The following CHN2 variants were observed in gnomAD, a reference collection of about 807,000 sequenced individuals.
CHN2 encodes the protein chimerin 2.
CHN2 carries 35 observed loss-of-function variants against 56.3 expected under a neutral mutation model. The observed-to-expected ratio is 0.62, with a 90% CI of 0.47 to 0.82. CHN2 has a LOEUF of 0.82. Ranked by LOEUF, CHN2 falls within the 40% of genes least tolerant of loss-of-function variation. CHN2 has a pLI of 0.00. For missense variants in CHN2, 491 were observed against 580.5 expected (o/e 0.85, Z 1.58); for synonymous variants, 210 against 212.8 (o/e 0.99, Z 0.12).
At chr7:29,210,676 A>G (rs1784846408) in intron 1 of CHN2, among the ~76,000 whole-genome samples, 1 of 151,992 alleles carries the variant, frequency 6.6e-6, no homozygotes, top group African/African-American at 2.4e-5. Flanking sequence ...GATAAGTTCT[A>G]TGGAGAAAAA....
intron 1 of CHN2, among the ~76,000 whole-genome samples, chr7:29,245,861 T>G (rs39091): frequency 6.6e-6 from 1 of 152,028 alleles, no homozygotes; most frequent in Admixed American, 6.5e-5. Flanking sequence ...GCTTGTGGAA[T>G]TGCTTCCCAT....
intron 1 of CHN2, among the ~76,000 whole-genome samples, chr7:29,251,610 G>A (rs80325413): frequency 0.02 from 3,066 of 152,224 alleles, 120 homozygotes; most frequent in African/African-American, 0.07. Context: ...AGGTAACTTC[G>A]TGTAACTAAC....
chr7:29,400,345 C>T, intron 5 of CHN2, 198 bp from the exon 6 acceptor site: 2 of 604,468 alleles, frequency 3.3e-6, no homozygotes, highest in Non-Finnish European at 6.0e-6. Context: ...CATCAGTTAC[C>T]TTTGCGGTAA....
chr7:29,509,000 G>A (rs995820451), intron 11 of CHN2, among the ~76,000 whole-genome samples: 2 of 152,086 alleles, frequency 1.3e-5, no homozygotes, highest in Non-Finnish European at 2.9e-5. Flanking sequence ...GCAAAGCATA[G>A]TCTGCACATA....
At chr7:29,155,705 T>C (rs1236492795) in intron 2 of CHN2, among the ~76,000 whole-genome samples, 1 of 152,188 alleles carries the variant, frequency 6.6e-6, no homozygotes, top group Non-Finnish European at 1.5e-5. Context: ...AATCCTGTCC[T>C]TTAGCAAGGT....
At chr7:29,380,521 C>T (rs1291297058) in intron 3 of CHN2, among the ~76,000 whole-genome samples, 1 of 152,108 alleles carries the variant, frequency 6.6e-6, no homozygotes, top group African/African-American at 2.4e-5. Flanking sequence ...TAATTTTATC[C>T]ATCACTTTGA....
At chr7:29,224,123 T>G (rs556479091) in intron 1 of CHN2, among the ~76,000 whole-genome samples, 2 of 152,290 alleles carry the variant, frequency 1.3e-5, no homozygotes, top group African/African-American at 4.8e-5. Context: ...CAGCTGATGT[T>G]CTAAAATTGG....
chr7:29,509,456 A>G, intron 12 of CHN2, 50 bp downstream of exon 12: 1 of 1,425,358 alleles, frequency 7.0e-7, no homozygotes. Flanking sequence ...AGAGCGGTTA[A>G]TGCATGAGGA....
chr7:29,376,182 A>C (rs772281467), intron 3 of CHN2, among the ~76,000 whole-genome samples: 1 of 152,190 alleles, frequency 6.6e-6, no homozygotes, highest in Non-Finnish European at 1.5e-5. Flanking sequence ...GAATGATATT[A>C]CCTAATTATT....
intron 1 of CHN2, among the ~76,000 whole-genome samples, chr7:29,330,887 A>G (rs984353847): frequency 1.3e-5 from 2 of 152,220 alleles, no homozygotes; most frequent in African/African-American, 2.4e-5. Context: ...TACAGATGTG[A>G]AATTAGGTAG....
intron 2 of CHN2, among the ~76,000 whole-genome samples, chr7:29,159,804 A>G (rs1467421785): frequency 6.6e-6 from 1 of 152,224 alleles, no homozygotes; most frequent in African/African-American, 2.4e-5. Flanking sequence ...TTCTTATGCT[A>G]GAAAATAAGC....
chr7:29,285,088 C>T (rs967815465), intron 1 of CHN2, among the ~76,000 whole-genome samples: 29 of 152,190 alleles, frequency 1.9e-4, no homozygotes, highest in African/African-American at 6.5e-4. Flanking sequence ...GTTCTTTGCA[C>T]TCCTCTCCTT....
chr7:29,270,828 G>A (rs183741499), intron 1 of CHN2, among the ~76,000 whole-genome samples: 4 of 150,844 alleles, frequency 2.7e-5, no homozygotes, highest in East Asian at 2.0e-4. Flanking sequence ...AGGGGAAGGC[G>A]GGAGAAAGGA....
intron 1 of CHN2, among the ~76,000 whole-genome samples, chr7:29,221,424 T>TA (rs1328263669): frequency 6.6e-6 from 1 of 152,210 alleles, no homozygotes; most frequent in African/African-American, 2.4e-5. Flanking sequence ...ATAGTAACGT[T>TA]AAAAAATCAA....
At chr7:29,433,307 G>A (rs1191355838) in intron 6 of CHN2, among the ~76,000 whole-genome samples, 1 of 152,218 alleles carries the variant, frequency 6.6e-6, no homozygotes, top group African/African-American at 2.4e-5. Flanking sequence ...TCTTGTGAGT[G>A]AAATGGGATT....
intron 1 of CHN2, among the ~76,000 whole-genome samples, chr7:29,219,950 C>T (rs543912265): frequency 2.0e-5 from 3 of 152,150 alleles, no homozygotes; most frequent in South Asian, 2.1e-4. Context: ...TGGCACACGC[C>T]TATAGTCCCA....
intron 7 of CHN2, among the ~76,000 whole-genome samples, chr7:29,485,475 G>C (rs1228593637): frequency 6.6e-6 from 1 of 152,132 alleles, no homozygotes; most frequent in Non-Finnish European, 1.5e-5. Flanking sequence ...AAAGAGGAGG[G>C]GGCTCCCTAG....
chr7:29,468,799 C>G (rs550702102), intron 6 of CHN2, among the ~76,000 whole-genome samples: 1 of 152,160 alleles, frequency 6.6e-6, no homozygotes, highest in Non-Finnish European at 1.5e-5. Context: ...ATCCTGTGAG[C>G]GTTAGCTTTC....
At chr7:29,148,122 A>G (rs911095491) in intron 2 of CHN2, among the ~76,000 whole-genome samples, 1 of 152,212 alleles carries the variant, frequency 6.6e-6, no homozygotes, top group Admixed American at 6.5e-5. Flanking sequence ...ACATTAGCAG[A>G]TAACACTGCT....
Sources: allele counts gnomAD v4.1 joint callset (sites outside exome capture counted in the v4.1 genomes callset), GRCh38; gene constraint gnomAD v4.1.1; transcripts MANE v1.5; gene names NCBI Gene and HGNC (gene_info 2026-07-23, HGNC 2026-07-21).